Variants in ZNF804A observed in about 807,000 individuals in gnomAD.
ZNF804A encodes the protein zinc finger protein 804A.
A neutral mutation model predicts 16.5 loss-of-function variants in ZNF804A; 2 were observed. That is an observed-to-expected ratio of 0.12 (90% CI 0.05 to 0.38). The LOEUF (loss-of-function observed/expected upper bound fraction) is 0.38, where lower values mean the gene tolerates loss of function less well. Ranked by LOEUF, ZNF804A falls within the 10% of genes least tolerant of loss-of-function variation. The pLI is 0.99. For synonymous variants in ZNF804A, 534 were observed against 489.6 expected (o/e 1.09, Z -1.20); for missense variants, 1,473 against 1,390.7 (o/e 1.06, Z -0.94).
At chr2:184,784,616 G>A (rs1048531242) in intron 1 of ZNF804A, among the ~76,000 whole-genome samples, 4 of 151,854 alleles carry the variant, frequency 2.6e-5, no homozygotes. Flanking sequence ...GTTTGCAATT[G>A]GACAAAACTG....
intron 1 of ZNF804A, among the ~76,000 whole-genome samples, chr2:184,626,163 C>A (rs556748009): frequency 6.6e-6 from 1 of 152,204 alleles, no homozygotes; most frequent in East Asian, 1.9e-4. Context: ...CCACCGCGCC[C>A]GGCCCGGATT....
intron 1 of ZNF804A, among the ~76,000 whole-genome samples, chr2:184,704,965 A>C (rs954554734): frequency 1.3e-5 from 2 of 152,184 alleles, no homozygotes; most frequent in African/African-American, 4.8e-5. Flanking sequence ...ACAATTTGAG[A>C]ACAATTCTCA....
chr2:184,602,064 T>A (rs1309679674), intron 1 of ZNF804A, among the ~76,000 whole-genome samples: 2 of 151,944 alleles, frequency 1.3e-5, no homozygotes, highest in Non-Finnish European at 2.9e-5. Context: ...TATCCTGCCA[T>A]TCATATTGAG....
intron 1 of ZNF804A, among the ~76,000 whole-genome samples, chr2:184,723,405 T>A (rs1693355155): frequency 6.6e-6 from 1 of 151,770 alleles, no homozygotes; most frequent in South Asian, 2.1e-4. Flanking sequence ...AAATGTTTAA[T>A]TTTTTTTAAA....
chr2:184,931,850 C>G (rs1199514216), intron 2 of ZNF804A, among the ~76,000 whole-genome samples: 2 of 152,144 alleles, frequency 1.3e-5, no homozygotes, highest in Admixed American at 6.5e-5. Context: ...CAAAAAATAA[C>G]TTTGTGAATA....
At position 184,938,308 on chromosome 2, in the gene ZNF804A, G is replaced by T. The variant is rs1685829195; in HGVS notation, c.2912G>T (p.Cys971Phe). The T allele has an allele frequency of 2.5e-6, 4 of 1,614,084 alleles. No individual in the cohort carries two copies. The highest frequency in any genetic ancestry group is 3.4e-6 in the Non-Finnish European group (4 of 1,180,004). Residue 971 changes from cysteine (C) to phenylalanine (F), a missense_variant, in exon 4 of 4, where the codon TGC (cysteine) becomes TTC (phenylalanine). Coordinates refer to ENST00000302277, the MANE Select transcript of ZNF804A (RefSeq NM_194250.2). ...CAGTCACAGCCTAAATCCTATCTTT[G>T]CCATTATGAACTGGCTGAGGCCCTT... Reference protein sequence around the residue: ...FRQSQPKSYLCHYELAEALPQ... With the variant: ...FRQSQPKSYLFHYELAEALPQ...
chr2:184,931,565 G>T (rs1451148477), intron 2 of ZNF804A, among the ~76,000 whole-genome samples: 1 of 152,170 alleles, frequency 6.6e-6, no homozygotes, highest in Non-Finnish European at 1.5e-5. Context: ...GCACAAAGTG[G>T]CAAGGCTCTG....
At chr2:184,746,307 C>A (rs1420237074) in intron 1 of ZNF804A, among the ~76,000 whole-genome samples, 1 of 151,354 alleles carries the variant, frequency 6.6e-6, no homozygotes, top group African/African-American at 2.4e-5. Context: ...TTTTTGGACC[C>A]ATTAACTAAT....
At chr2:184,932,736 GA>G (rs1685722266) in intron 2 of ZNF804A, among the ~76,000 whole-genome samples, 1 of 152,130 alleles carries the variant, frequency 6.6e-6, no homozygotes, top group Admixed American at 6.6e-5. Flanking sequence ...TACACATCAT[GA>G]AAGTACATAG....
intron 1 of ZNF804A, among the ~76,000 whole-genome samples, chr2:184,628,198 C>G (rs1439693965): frequency 6.6e-6 from 1 of 152,084 alleles, no homozygotes; most frequent in African/African-American, 2.4e-5. Flanking sequence ...CCTGCAATCC[C>G]AGCTACTTGG....
At chr2:184,618,389 T>C (rs1691362061) in intron 1 of ZNF804A, among the ~76,000 whole-genome samples, 1 of 152,176 alleles carries the variant, frequency 6.6e-6, no homozygotes, top group Non-Finnish European at 1.5e-5. Context: ...AGCTAGTCAA[T>C]TAGATTATAT....
chr2:184,598,896 C>T lies in ZNF804A; in HGVS notation c.-64C>T. ...GCCCACCGTCGCCGGCCCCGGCGCG[C>T]TGCGGCTGTGGGCGCGGGGTGCGTG... On this transcript the variant is annotated 5_prime_UTR_variant, in exon 1 of 4. Coordinates refer to ENST00000302277, the MANE Select transcript of ZNF804A (RefSeq NM_194250.2). The T allele has an allele frequency of 8.6e-7, 1 of 1,165,210 alleles. No homozygotes were observed. The highest frequency in any genetic ancestry group is 1.2e-6 in the Non-Finnish European group (1 of 847,094). 72.2% of individuals were successfully genotyped at this position (1,165,210 alleles called of 1,614,324 possible). A position where few individuals can be genotyped will look rare whatever the true frequency, so the allele number is the denominator to read the frequency against.
chr2:184,795,334 C>CA (rs1184271673), intron 1 of ZNF804A, among the ~76,000 whole-genome samples: 2 of 151,994 alleles, frequency 1.3e-5, no homozygotes, highest in African/African-American at 4.8e-5. Context: ...AGGTCAGAAA[C>CA]AAAATCAAGG....
intron 1 of ZNF804A, among the ~76,000 whole-genome samples, chr2:184,804,342 A>G (rs1694769573): frequency 1.3e-5 from 2 of 152,134 alleles, no homozygotes; most frequent in Admixed American, 1.3e-4. Flanking sequence ...TATTAAACCA[A>G]CCAGAGACAG....
In ZNF804A at chr2:184,697,003, TA is replaced by T. The variant is rs537840960; in HGVS notation, c.111+97939del. Among the ~76,000 whole-genome samples, 202 of 152,058 alleles carry T rather than the reference TA, an allele frequency of 1.3e-3. 2 individuals carry two copies. Among genetic ancestry groups the T allele is most frequent in the African/African-American group, 4.3e-3 (180 of 41,538 alleles). The stretch of plus-strand genomic sequence containing the variant: ...ATTTTAGGTTATTATTATTCACTAT[TA>T]AAAAATAGTGACTTCAGTAATTTAG... On this transcript the variant is annotated intron_variant, in intron 1 of 3. Coordinates refer to ENST00000302277, the MANE Select transcript of ZNF804A (RefSeq NM_194250.2).
In ZNF804A at chr2:184,754,853, G is replaced by A. The variant is rs1693935153; in HGVS notation, c.112-111516G>A. The stretch of plus-strand genomic sequence containing the variant: ...TAGTCTAAGGAAATGTACAATCATG[G>A]TGGAAGTTGAAGGAGAAGCAAGGCG... On this transcript the variant is annotated intron_variant, in intron 1 of 3. Transcript: ENST00000302277. Among the ~76,000 whole-genome samples the A allele has an allele frequency of 3.3e-5, 5 of 151,706 alleles. No homozygotes were observed. In the Admixed American group the frequency reaches 3.3e-4, roughly 10 times the overall value.
At chr2:184,861,984 G>A (rs1277689503) in intron 1 of ZNF804A, among the ~76,000 whole-genome samples, 1 of 152,158 alleles carries the variant, frequency 6.6e-6, no homozygotes, top group African/African-American at 2.4e-5. Flanking sequence ...AAAAAGTGCT[G>A]AGTTAGAATG....
chr2:184,917,070 A>C (rs1355914458), intron 2 of ZNF804A, among the ~76,000 whole-genome samples: 1 of 152,118 alleles, frequency 6.6e-6, no homozygotes, highest in Admixed American at 6.6e-5. Flanking sequence ...TTATCTAAAA[A>C]ATATTTTCAC....
At chr2:184,885,487 C>A (rs1301759744) in intron 2 of ZNF804A, among the ~76,000 whole-genome samples, 1 of 152,118 alleles carries the variant, frequency 6.6e-6, no homozygotes, top group Admixed American at 6.5e-5. Flanking sequence ...TACATTTACA[C>A]CATGGAATCC....
Sources: allele counts gnomAD v4.1 joint callset (sites outside exome capture counted in the v4.1 genomes callset), GRCh38; gene constraint gnomAD v4.1.1; transcripts MANE v1.5; gene names NCBI Gene and HGNC (gene_info 2026-07-23, HGNC 2026-07-21).